Variants in EEPD1 observed in about 807,000 individuals in gnomAD.
The protein encoded by EEPD1 is endonuclease/exonuclease/phosphatase family domain containing 1, also known as endonuclease/exonuclease/phosphatase family domain-containing protein 1.
Under a neutral mutation model 46.3 loss-of-function variants are expected in EEPD1, and 17 were observed. That is an observed-to-expected ratio of 0.37 (90% CI 0.25 to 0.55). EEPD1 has a LOEUF of 0.55. Ranked by LOEUF, EEPD1 falls within the 20% of genes least tolerant of loss-of-function variation. EEPD1 has a pLI of 0.83. For missense variants in EEPD1, 673 were observed against 745.6 expected (o/e 0.90, Z 1.13); for synonymous variants, 313 against 315.6 (o/e 0.99, Z 0.09).
intron 3 of EEPD1, among the ~76,000 whole-genome samples, chr7:36,242,783 A>AG (rs1786575603): frequency 1.3e-5 from 2 of 151,416 alleles, no homozygotes; most frequent in Admixed American, 1.3e-4. Flanking sequence ...AAAAAAAAAA[A>AG]AAAAGCCAGG....
chr7:36,189,978 A>AGCCTGTAT (rs1296681417), intron 2 of EEPD1, among the ~76,000 whole-genome samples: 3 of 152,146 alleles, frequency 2.0e-5, no homozygotes, highest in African/African-American at 7.2e-5. Context: ...ATGTAGTGAG[A>AGCCTGTAT]GCCTGTATCT....
chr7:36,203,355 A>C (rs1341689350), intron 2 of EEPD1, among the ~76,000 whole-genome samples: 1 of 152,068 alleles, frequency 6.6e-6, no homozygotes, highest in Non-Finnish European at 1.5e-5. Context: ...TTTTGTGTTC[A>C]TTTTCTTTCC....
rs142938122 is a variant in EEPD1 at position 36,213,932 on chromosome 7, T to G, written c.879-25053T>G. On this transcript the variant is annotated intron_variant, in intron 2 of 7. Coordinates refer to ENST00000242108, the MANE Select transcript of EEPD1 (RefSeq NM_030636.3). Reference sequence around the variant, plus strand: ...CTGGGAGGCTGAGTGAATGAAAGCATGTGGCAGCCAAACCTGGGAAGTGAT... The same window carrying G: ...CTGGGAGGCTGAGTGAATGAAAGCAGGTGGCAGCCAAACCTGGGAAGTGAT... Among the ~76,000 whole-genome samples, 305 of 152,222 alleles carry G rather than the reference T, an allele frequency of 2.0e-3. 1 individual carries two copies. The highest frequency in any genetic ancestry group is 3.0e-3 in the Non-Finnish European group (206 of 68,004).
chr7:36,237,688 C>A (rs539546655), intron 2 of EEPD1, among the ~76,000 whole-genome samples: 1 of 152,136 alleles, frequency 6.6e-6, no homozygotes, highest in African/African-American at 2.4e-5. Context: ...AGTGGACTCA[C>A]GCCTGTAATC....
At chr7:36,155,350 A>C (rs1784809952) in intron 2 of EEPD1, 148 bp downstream of exon 2, 1 of 977,780 alleles carries the variant, frequency 1.0e-6, no homozygotes, top group Non-Finnish European at 1.4e-6. Flanking sequence ...CAATACCGTC[A>C]CCTGAGAATG....
chr7:36,165,076 G>A (rs915159956), intron 2 of EEPD1, among the ~76,000 whole-genome samples: 5 of 152,104 alleles, frequency 3.3e-5, no homozygotes, highest in Non-Finnish European at 5.9e-5. Context: ...TAGCCTAAGT[G>A]CACAGTGTTT....
intron 2 of EEPD1, among the ~76,000 whole-genome samples, chr7:36,215,830 C>A (rs1786021426): frequency 6.6e-6 from 1 of 152,218 alleles, no homozygotes; most frequent in Admixed American, 6.5e-5. Context: ...ATCTCTGGGC[C>A]TCCCTGCAGA....
At chr7:36,291,952 C>T (rs898761204) in intron 6 of EEPD1, among the ~76,000 whole-genome samples, 1 of 152,242 alleles carries the variant, frequency 6.6e-6, no homozygotes, top group African/African-American at 2.4e-5. Context: ...TCATAACTAT[C>T]CCACTTCCTC....
intron 6 of EEPD1, among the ~76,000 whole-genome samples, chr7:36,294,660 A>G (rs1242857385): frequency 1.3e-5 from 2 of 152,214 alleles, no homozygotes; most frequent in Admixed American, 1.3e-4. Context: ...CAGTTTGGTC[A>G]TAGACAAATG....
intron 2 of EEPD1, among the ~76,000 whole-genome samples, chr7:36,163,485 T>C (rs1287750855): frequency 6.6e-6 from 1 of 152,130 alleles, no homozygotes; most frequent in East Asian, 1.9e-4. Context: ...ACAGAAGAGA[T>C]GGCTCAGCGA....
At chr7:36,219,348 C>G (rs555919723) in intron 2 of EEPD1, among the ~76,000 whole-genome samples, 1 of 151,630 alleles carries the variant, frequency 6.6e-6, no homozygotes, top group South Asian at 2.1e-4. Flanking sequence ...AATCAAGTAA[C>G]AAGGAATCTC....
chr7:36,295,893 T>A (rs1451692685), intron 6 of EEPD1, among the ~76,000 whole-genome samples: 2 of 151,554 alleles, frequency 1.3e-5, no homozygotes, highest in African/African-American at 4.8e-5. Flanking sequence ...TAGCAAGGCG[T>A]GGTGGTGGGT....
chr7:36,186,535 T>C (rs1363990824), intron 2 of EEPD1, among the ~76,000 whole-genome samples: 1 of 152,216 alleles, frequency 6.6e-6, no homozygotes, highest in East Asian at 1.9e-4. Flanking sequence ...CGCCACATTC[T>C]CCTATATAGT....
intron 2 of EEPD1, among the ~76,000 whole-genome samples, chr7:36,194,155 G>A (rs1785534163): frequency 6.6e-6 from 1 of 152,212 alleles, no homozygotes; most frequent in Non-Finnish European, 1.5e-5. Context: ...GTGGGTGTCT[G>A]CAGTACTGAA....
At chr7:36,184,288 ATTC>A (rs1785324014) in intron 2 of EEPD1, among the ~76,000 whole-genome samples, 2 of 152,182 alleles carry the variant, frequency 1.3e-5, no homozygotes. Context: ...TGCCAAAGCC[ATTC>A]TTACTTTCCA....
intron 2 of EEPD1, among the ~76,000 whole-genome samples, chr7:36,236,664 C>T (rs1363114377): frequency 2.0e-5 from 3 of 152,126 alleles, no homozygotes; most frequent in Admixed American, 6.5e-5. Flanking sequence ...GGTTTGTAAA[C>T]GCACCAATCA....
chr7:36,261,384 T>C (rs1786920728), intron 3 of EEPD1, among the ~76,000 whole-genome samples: 1 of 152,180 alleles, frequency 6.6e-6, no homozygotes, highest in African/African-American at 2.4e-5. Flanking sequence ...GTTAGTCTCT[T>C]AACTCTGTTT....
At chr7:36,167,178 T>G (rs939859643) in intron 2 of EEPD1, among the ~76,000 whole-genome samples, 6 of 152,156 alleles carry the variant, frequency 3.9e-5, no homozygotes, top group Admixed American at 1.3e-4. Flanking sequence ...AAAGGCCCTA[T>G]CTCCAAATAC....
At chr7:36,251,575 G>T (rs1442324442) in intron 3 of EEPD1, among the ~76,000 whole-genome samples, 1 of 152,214 alleles carries the variant, frequency 6.6e-6, no homozygotes, top group Non-Finnish European at 1.5e-5. Flanking sequence ...CTCCCAGAGT[G>T]CTGGGATTAC....
Sources: allele counts gnomAD v4.1 joint callset (sites outside exome capture counted in the v4.1 genomes callset), GRCh38; gene constraint gnomAD v4.1.1; transcripts MANE v1.5; gene names NCBI Gene and HGNC (gene_info 2026-07-23, HGNC 2026-07-21).